Variants in PCDH15 observed in about 807,000 individuals in gnomAD.
The protein encoded by PCDH15 is protocadherin-15.
In PCDH15, 129 loss-of-function variants were observed where a neutral mutation model predicts 178.5. That is an observed-to-expected ratio of 0.72 (90% CI 0.63 to 0.84). The LOEUF (loss-of-function observed/expected upper bound fraction) is 0.84, where lower values mean the gene tolerates loss of function less well. Among genes scored for constraint, PCDH15 ranks in the 40% least tolerant of loss-of-function variants. PCDH15 has a pLI of 0.00. For missense variants in PCDH15, 2,230 were observed against 2,099.9 expected (o/e 1.06, Z -1.21); for synonymous variants, 800 against 732.0 (o/e 1.09, Z -1.50).
chr10:55,388,166 C>T (rs1395858983), intron 2 of PCDH15, among the ~76,000 whole-genome samples: 1 of 152,018 alleles, frequency 6.6e-6, no homozygotes. Flanking sequence ...TTTTCAGATG[C>T]TCTTGGAAAC....
At chr10:55,414,991 G>GT (rs2132038778) in intron 2 of PCDH15, among the ~76,000 whole-genome samples, 2 of 151,652 alleles carry the variant, frequency 1.3e-5, no homozygotes, top group East Asian at 1.9e-4. Context: ...GGGCATGCTT[G>GT]TTTTTTGTTT....
chr10:54,545,989 T>C (rs75163233), intron 2 of PCDH15, among the ~76,000 whole-genome samples: 2,258 of 152,288 alleles, frequency 0.015, 51 homozygotes, highest in African/African-American at 0.051. Flanking sequence ...AGTTAATCAC[T>C]GGGCAGGAAG....
At chr10:54,183,648 C>G (rs1205302601) in intron 12 of PCDH15, 55 bp from the exon 13 acceptor site, 1 of 1,592,802 alleles carries the variant, frequency 6.3e-7, no homozygotes, top group African/African-American at 1.3e-5. Context: ...ATAAGTAGTA[C>G]AGAGTTTGCT....
At chr10:53,841,109 T>C (rs1188903648) in intron 28 of PCDH15, among the ~76,000 whole-genome samples, 3 of 152,220 alleles carry the variant, frequency 2.0e-5, no homozygotes, top group Non-Finnish European at 4.4e-5. Flanking sequence ...AAATTAGTGA[T>C]ATTTAATTTA....
At chr10:53,940,787 A>C in intron 24 of PCDH15, 79 bp downstream of exon 24, 1 of 1,015,284 alleles carries the variant, frequency 9.8e-7, no homozygotes, top group Non-Finnish European at 1.5e-6. Context: ...AATAGATAAT[A>C]ATTTCAATTC....
chr10:55,130,471 A>T (rs532102116), intron 2 of PCDH15, among the ~76,000 whole-genome samples: 12 of 152,334 alleles, frequency 7.9e-5, no homozygotes, highest in African/African-American at 2.9e-4. Flanking sequence ...ACTATCACTT[A>T]GTAGTTTAGA....
intron 1 of PCDH15, among the ~76,000 whole-genome samples, chr10:55,253,249 C>CAT (rs776239870): frequency 0.024 from 3,608 of 149,038 alleles, 56 homozygotes; most frequent in Non-Finnish European, 0.04. Context: ...TGTGTGTGTG[C>CAT]GTGTGTGTGT....
At chr10:54,147,744 C>T (rs1209773039) in intron 14 of PCDH15, among the ~76,000 whole-genome samples, 3 of 151,648 alleles carry the variant, frequency 2.0e-5, no homozygotes, top group African/African-American at 7.3e-5. Flanking sequence ...AATAAAAAAA[C>T]AAAAGGTGAC....
intron 3 of PCDH15, among the ~76,000 whole-genome samples, chr10:54,522,004 C>T (rs1359468132): frequency 4.3e-5 from 6 of 140,414 alleles, no homozygotes; most frequent in African/African-American, 1.1e-4. Context: ...AGGAGAATGG[C>T]GTGAACCTGG....
rs533689892 is a variant in PCDH15 at position 55,066,706 on chromosome 10, A to G, written c.-80+99870T>C. Among the ~76,000 whole-genome samples, 21 of 150,904 alleles carry G rather than the reference A, an allele frequency of 1.4e-4. No individual in the cohort carries two copies. In the East Asian group the frequency reaches 3.9e-3, roughly 28 times the overall value. On this transcript the variant is annotated intron_variant, in intron 2 of 5. Transcript: ENST00000458638. ...TAATTTGATATGCAGTGTTCTCTGT[A>G]TCACATTTTATAAATATTGTTCCTT...
At chr10:55,409,031 G>C (rs1230839788) in intron 2 of PCDH15, among the ~76,000 whole-genome samples, 1 of 151,950 alleles carries the variant, frequency 6.6e-6, no homozygotes, top group Non-Finnish European at 1.5e-5. Context: ...TGTACCACTT[G>C]TTAATGTTGA....
At chr10:53,870,614 T>G (rs2079770535) in intron 26 of PCDH15, among the ~76,000 whole-genome samples, 1 of 152,202 alleles carries the variant, frequency 6.6e-6, no homozygotes, top group Non-Finnish European at 1.5e-5. Flanking sequence ...AAACAGTGAC[T>G]GATGAAAATT....
At chr10:55,207,511 A>G (rs1840434438) in intron 1 of PCDH15, among the ~76,000 whole-genome samples, 1 of 152,146 alleles carries the variant, frequency 6.6e-6, no homozygotes, top group African/African-American at 2.4e-5. Flanking sequence ...CTTAATGCCG[A>G]ATTTCTGATA....
chr10:54,289,012 G>T (rs2132942124), intron 8 of PCDH15, among the ~76,000 whole-genome samples: 1 of 152,348 alleles, frequency 6.6e-6, no homozygotes, highest in Non-Finnish European at 1.5e-5. Flanking sequence ...GAGAGCAGTT[G>T]TTCTCCCAGC....
chr10:55,447,336 C>A (rs10825518), intron 2 of PCDH15, among the ~76,000 whole-genome samples: 116,328 of 151,938 alleles, frequency 0.77, 45,888 homozygotes, highest in East Asian at 0.99. Flanking sequence ...AATTCTATAT[C>A]CAGGCAATTT....
chr10:55,576,368 A>G (rs1842496742), intron 2 of PCDH15, among the ~76,000 whole-genome samples: 1 of 152,162 alleles, frequency 6.6e-6, no homozygotes, highest in South Asian at 2.1e-4. Flanking sequence ...CAGGCTGAGG[A>G]GAAAGAGGAA....
At chr10:55,553,829 A>T (rs1376721475) in intron 2 of PCDH15, among the ~76,000 whole-genome samples, 1 of 151,942 alleles carries the variant, frequency 6.6e-6, no homozygotes, top group Non-Finnish European at 1.5e-5. Context: ...AATTAAGATG[A>T]TTATGGTGAT....
At chr10:55,591,815 T>A (rs1437513854) in intron 2 of PCDH15, among the ~76,000 whole-genome samples, 4 of 152,146 alleles carry the variant, frequency 2.6e-5, no homozygotes, top group African/African-American at 9.7e-5. Flanking sequence ...AAGCAATGCA[T>A]GTATACTTCT....
chr10:55,106,845 A>G (rs1048886143), intron 2 of PCDH15, among the ~76,000 whole-genome samples: 6 of 152,228 alleles, frequency 3.9e-5, no homozygotes, highest in Admixed American at 1.3e-4. Context: ...TAGGTCAGCT[A>G]TGGATATAGC....
Sources: allele counts gnomAD v4.1 joint callset (sites outside exome capture counted in the v4.1 genomes callset), GRCh38; gene constraint gnomAD v4.1.1; transcripts MANE v1.5; gene names NCBI Gene and HGNC (gene_info 2026-07-23, HGNC 2026-07-21).